The following ADAM22 variants were observed in gnomAD, a reference collection of about 807,000 sequenced individuals.
The protein encoded by ADAM22 is ADAM metallopeptidase domain 22, also known as disintegrin and metalloproteinase domain-containing protein 22.
ADAM22 carries 65 observed loss-of-function variants against 144.6 expected under a neutral mutation model. The ratio of observed to expected loss-of-function variants is 0.45; its 90% CI spans 0.37 to 0.55. ADAM22 has a LOEUF of 0.55. Ranked by LOEUF, ADAM22 falls within the 20% of genes least tolerant of loss-of-function variation. The pLI is 0.00. For synonymous variants in ADAM22, 391 were observed against 412.6 expected (o/e 0.95, Z 0.63); for missense variants, 974 against 1,184.9 (o/e 0.82, Z 2.61).
intron 3 of ADAM22, among the ~76,000 whole-genome samples, chr7:88,017,002 C>A (rs974826394): frequency 6.6e-6 from 1 of 152,098 alleles, no homozygotes; most frequent in African/African-American, 2.4e-5. Context: ...CCTGTAGTCC[C>A]AGCTTCTTGT....
intron 2 of ADAM22, among the ~76,000 whole-genome samples, chr7:87,965,058 A>G (rs1023892609): frequency 6.6e-6 from 1 of 152,176 alleles, no homozygotes; most frequent in African/African-American, 2.4e-5. Context: ...TAAGATAGCT[A>G]TAGGTAGTGT....
intron 3 of ADAM22, among the ~76,000 whole-genome samples, chr7:88,017,589 T>C (rs931832350): frequency 1.3e-5 from 2 of 152,180 alleles, no homozygotes; most frequent in Non-Finnish European, 2.9e-5. Context: ...TTAAATTTAA[T>C]TCTTGAAATA....
Position 87,941,561 on chromosome 7 carries a change from C to G in ADAM22, c.246+6375C>G, listed in dbSNP as rs144128255. Reference sequence around the variant, plus strand: ...GTGGCTCAATATTGATAACCTTTTGCCACCAATCAGAACTTTGTTCTACTG... The same window carrying G: ...GTGGCTCAATATTGATAACCTTTTGGCACCAATCAGAACTTTGTTCTACTG... On this transcript the variant is annotated intron_variant, in intron 2 of 31. Transcript: ENST00000413139. Among the ~76,000 whole-genome samples, 366 of 152,046 alleles carry G rather than the reference C, an allele frequency of 2.4e-3. 12 individuals are homozygous for G. The highest frequency in any genetic ancestry group is 0.021 in the Admixed American group (317 of 15,264).
chr7:88,012,590 C>G (rs888880628), intron 3 of ADAM22, among the ~76,000 whole-genome samples: 1 of 152,036 alleles, frequency 6.6e-6, no homozygotes, highest in African/African-American at 2.4e-5. Context: ...TTGTGAAAAC[C>G]TAAGACCTTC....
chr7:88,017,787 ATATATATATGTGTGTG>A (rs1217629349), intron 3 of ADAM22, among the ~76,000 whole-genome samples: 3 of 151,668 alleles, frequency 2.0e-5, no homozygotes, highest in Middle Eastern at 3.2e-3. Context: ...GTGTGTGTAT[ATATATATATGTGTGTG>A]TATATATATG....
intron 3 of ADAM22, among the ~76,000 whole-genome samples, chr7:88,072,587 G>A (rs1813116623): frequency 6.6e-6 from 1 of 152,166 alleles, no homozygotes; most frequent in Non-Finnish European, 1.5e-5. Flanking sequence ...CTTCAGCAGT[G>A]GAGATGTGGG....
At chr7:88,033,882 G>C (rs547391661) in intron 3 of ADAM22, among the ~76,000 whole-genome samples, 1 of 152,080 alleles carries the variant, frequency 6.6e-6, no homozygotes, top group South Asian at 2.1e-4. Context: ...TTAAGGCCCA[G>C]GGGCTCTTCA....
At chr7:88,085,548 GAAC>G (rs1818217412) in intron 4 of ADAM22, among the ~76,000 whole-genome samples, 1 of 152,168 alleles carries the variant, frequency 6.6e-6, no homozygotes, top group South Asian at 2.1e-4. Flanking sequence ...AGACTGTCTT[GAAC>G]AACAACAACA....
intron 26 of ADAM22, among the ~76,000 whole-genome samples, chr7:88,176,857 C>G (rs766139282): frequency 3.1e-4 from 47 of 152,110 alleles, no homozygotes; most frequent in Admixed American, 5.2e-4. Context: ...CTCTGCCTCC[C>G]AAGTTCAAGC....
At chr7:88,162,320 C>T (rs1172413325) in intron 22 of ADAM22, among the ~76,000 whole-genome samples, 2 of 151,958 alleles carry the variant, frequency 1.3e-5, no homozygotes, top group Admixed American at 6.6e-5. Context: ...GCAACAGACA[C>T]TGGGACCTAT....
intron 2 of ADAM22, among the ~76,000 whole-genome samples, chr7:87,972,291 A>G (rs1850653528): frequency 6.6e-6 from 1 of 151,498 alleles, no homozygotes; most frequent in Non-Finnish European, 1.5e-5. Flanking sequence ...CACCAATAAC[A>G]GACAAACAGA....
intron 3 of ADAM22, among the ~76,000 whole-genome samples, chr7:87,989,511 C>T (rs1442593260): frequency 6.6e-6 from 1 of 152,146 alleles, no homozygotes; most frequent in African/African-American, 2.4e-5. Context: ...GTGATTCTCC[C>T]CTGTATAGTA....
intron 3 of ADAM22, among the ~76,000 whole-genome samples, chr7:88,053,772 C>T (rs965547000): frequency 6.6e-6 from 1 of 151,998 alleles, no homozygotes; most frequent in Non-Finnish European, 1.5e-5. Flanking sequence ...ATGGATTTAC[C>T]ATAATTTACT....
At chr7:88,142,674 T>A (rs1217027015) in intron 14 of ADAM22, among the ~76,000 whole-genome samples, 2 of 151,854 alleles carry the variant, frequency 1.3e-5, no homozygotes, top group Non-Finnish European at 2.9e-5. Context: ...CCGTCTCTAC[T>A]AAAAATACAA....
intron 20 of ADAM22, 26 bp from the exon 21 acceptor site, chr7:88,153,195 T>G (rs760632850): frequency 6.4e-7 from 1 of 1,573,782 alleles, no homozygotes; most frequent in South Asian, 1.1e-5. Flanking sequence ...CTTCCCTCAC[T>G]GATAGAAAAT....
At chr7:87,943,093 AGG>A (rs1842789098) in intron 2 of ADAM22, among the ~76,000 whole-genome samples, 1 of 150,556 alleles carries the variant, frequency 6.6e-6, no homozygotes, top group African/African-American at 2.4e-5. Flanking sequence ...TGAAAAAATA[AGG>A]ATTAGTATTT....
intron 3 of ADAM22, among the ~76,000 whole-genome samples, chr7:88,059,419 A>G (rs1482761575): frequency 6.6e-6 from 1 of 152,252 alleles, no homozygotes; most frequent in Non-Finnish European, 1.5e-5. Context: ...TAAAGCTCAA[A>G]GCTATAATAA....
intron 2 of ADAM22, among the ~76,000 whole-genome samples, chr7:87,938,306 C>T (rs1463194348): frequency 6.8e-6 from 1 of 147,560 alleles, no homozygotes; most frequent in Non-Finnish European, 1.5e-5. Context: ...GCAACCTCCA[C>T]CTCCTGGGTT....
chr7:88,138,625 T>C (rs772220646), intron 14 of ADAM22, among the ~76,000 whole-genome samples: 18 of 152,202 alleles, frequency 1.2e-4, no homozygotes, highest in Non-Finnish European at 2.5e-4. Context: ...TTCAGTCCTA[T>C]TTAAAGGTAT....
Sources: allele counts gnomAD v4.1 joint callset (sites outside exome capture counted in the v4.1 genomes callset), GRCh38; gene constraint gnomAD v4.1.1; transcripts MANE v1.5; gene names NCBI Gene and HGNC (gene_info 2026-07-23, HGNC 2026-07-21).